MYT1L: variants seen among roughly 807,000 people sequenced by gnomAD.
MYT1L encodes myelin transcription factor 1-like protein.
A neutral mutation model predicts 126.7 loss-of-function variants in MYT1L; 12 were observed. That is an observed-to-expected ratio of 0.09 (90% CI 0.06 to 0.15). The LOEUF is 0.15. Among genes scored for constraint, MYT1L ranks in the 10% least tolerant of loss-of-function variants. The probability of loss-of-function intolerance (pLI) is 1.00; values close to 1 mark genes in which losing one functional copy is unlikely to be tolerated. For missense variants in MYT1L, 979 were observed against 1,585.2 expected (o/e 0.62, Z 6.49); for synonymous variants, 541 against 604.2 (o/e 0.90, Z 1.53).
chr2:2,013,810 T>C (rs1431860196), intron 4 of MYT1L, among the ~76,000 whole-genome samples: 1 of 152,266 alleles, frequency 6.6e-6, no homozygotes, highest in African/African-American at 2.4e-5. Context: ...AGCACCCATG[T>C]GGGTTCTGCA....
chr2:1,949,417 C>G (rs79891553), intron 8 of MYT1L, among the ~76,000 whole-genome samples: 1 of 152,090 alleles, frequency 6.6e-6, no homozygotes, highest in Non-Finnish European at 1.5e-5. Context: ...TGGGCCCATG[C>G]GGATGCCTCA....
chr2:1,795,035 CT>C (rs1430366200), intron 23 of MYT1L, among the ~76,000 whole-genome samples: 1 of 152,182 alleles, frequency 6.6e-6, no homozygotes, highest in Non-Finnish European at 1.5e-5. Context: ...CCCGTGGCCC[CT>C]GAATCTCCTG....
intron 10 of MYT1L, among the ~76,000 whole-genome samples, chr2:1,918,513 A>G (rs1342432664): frequency 3.9e-5 from 6 of 152,354 alleles, no homozygotes; most frequent in Admixed American, 6.5e-5. Flanking sequence ...TTAAGAATTC[A>G]CTTTATATCA....
At chr2:2,060,941 C>G (rs528922483) in intron 3 of MYT1L, among the ~76,000 whole-genome samples, 80 of 151,698 alleles carry the variant, frequency 5.3e-4, no homozygotes, top group Middle Eastern at 3.4e-3. Flanking sequence ...TTTGTAAGCA[C>G]TTCTCCATAT....
At chr2:2,312,739 C>A (rs985634884) in intron 1 of MYT1L, among the ~76,000 whole-genome samples, 7 of 152,130 alleles carry the variant, frequency 4.6e-5, no homozygotes, top group African/African-American at 1.4e-4. Flanking sequence ...GAGACAAAGT[C>A]GGCATTAGGC....
chr2:2,124,297 TC>T (rs2081407365), intron 3 of MYT1L, among the ~76,000 whole-genome samples: 2 of 152,092 alleles, frequency 1.3e-5, no homozygotes, highest in African/African-American at 4.8e-5. Flanking sequence ...AACAAGCTAT[TC>T]TTTTTCTTTT....
chr2:2,265,068 C>T (rs1442426461), intron 2 of MYT1L, among the ~76,000 whole-genome samples: 1 of 150,762 alleles, frequency 6.6e-6, no homozygotes, highest in Non-Finnish European at 1.5e-5. Flanking sequence ...GCTCTTGTCA[C>T]CCAGCCTGGA....
chr2:1,976,408 G>A (rs540537104), intron 8 of MYT1L, among the ~76,000 whole-genome samples: 15 of 152,332 alleles, frequency 9.8e-5, no homozygotes, highest in Admixed American at 7.2e-4. Context: ...TTGGGAGGCC[G>A]AGGCGGGCGG....
intron 3 of MYT1L, among the ~76,000 whole-genome samples, chr2:2,144,808 T>C (rs2084628487): frequency 6.6e-6 from 1 of 152,234 alleles, no homozygotes; most frequent in Non-Finnish European, 1.5e-5. Context: ...AGCATCTTTC[T>C]GCGGCTCTCA....
chr2:2,066,199 C>T (rs967562559), intron 3 of MYT1L, among the ~76,000 whole-genome samples: 1 of 152,170 alleles, frequency 6.6e-6, no homozygotes, highest in Non-Finnish European at 1.5e-5. Context: ...AGATCCACAT[C>T]CTACTTCTCT....
chr2:2,088,918 C>G (rs1399309567), intron 3 of MYT1L, among the ~76,000 whole-genome samples: 1 of 152,014 alleles, frequency 6.6e-6, no homozygotes, highest in Non-Finnish European at 1.5e-5. Flanking sequence ...TGAATCCTAC[C>G]AAAAAACATT....
At position 1,871,287 on chromosome 2, in the gene MYT1L, G is replaced by A. The variant is rs75460718; in HGVS notation, c.2711+15252C>T. Among the ~76,000 whole-genome samples, 5 of 152,358 alleles carry A rather than the reference G, an allele frequency of 3.3e-5. 1 individual carries two copies. The highest frequency in any genetic ancestry group is 2.9e-5 in the Non-Finnish European group (2 of 68,032). On this transcript the variant is annotated intron_variant, in intron 18 of 24. Transcript: ENST00000647738. Reference sequence around the variant, plus strand: ...CTGTGTGCCAAGATCACGTGTCTCCGTGCGCTGATGGAGGGGACTCTGTGG... The same window carrying A: ...CTGTGTGCCAAGATCACGTGTCTCCATGCGCTGATGGAGGGGACTCTGTGG...
At chr2:2,277,652 T>TGGAAAA (rs1456859113) in intron 2 of MYT1L, among the ~76,000 whole-genome samples, 1 of 152,172 alleles carries the variant, frequency 6.6e-6, no homozygotes, top group Non-Finnish European at 1.5e-5. Context: ...TGAAATAGTG[T>TGGAAAA]GGAAAAGAAA....
intron 9 of MYT1L, among the ~76,000 whole-genome samples, chr2:1,941,613 T>A (rs1008934199): frequency 5.9e-5 from 9 of 152,288 alleles, no homozygotes; most frequent in Middle Eastern, 3.4e-3. Flanking sequence ...TACCCAGCAT[T>A]CTACCATAGC....
chr2:1,841,010 T>C, intron 19 of MYT1L, 167 bp from the exon 20 acceptor site: 1 of 548,282 alleles, frequency 1.8e-6, no homozygotes, highest in Non-Finnish European at 3.2e-6. Flanking sequence ...TTCACGCCAT[T>C]CTCCTGCCTC....
At chr2:2,267,545 C>T (rs949512283) in intron 2 of MYT1L, among the ~76,000 whole-genome samples, 17 of 151,932 alleles carry the variant, frequency 1.1e-4, no homozygotes, top group Non-Finnish European at 2.2e-4. Context: ...AAAAAAAATG[C>T]CCCAGATGGA....
At chr2:1,871,010 A>AT (rs1474661949) in intron 18 of MYT1L, among the ~76,000 whole-genome samples, 1 of 152,162 alleles carries the variant, frequency 6.6e-6, no homozygotes, top group African/African-American at 2.4e-5. Flanking sequence ...TCCACGAACA[A>AT]TTTTAAATGG....
intron 8 of MYT1L, among the ~76,000 whole-genome samples, chr2:1,949,375 A>C (rs2057531413): frequency 1.3e-5 from 2 of 150,890 alleles, no homozygotes; most frequent in Admixed American, 1.3e-4. Flanking sequence ...CGTCACCCCC[A>C]CCCCCTCCAA....
At chr2:2,278,427 A>C (rs1358743344) in intron 2 of MYT1L, among the ~76,000 whole-genome samples, 8 of 152,238 alleles carry the variant, frequency 5.3e-5, no homozygotes, top group Admixed American at 3.3e-4. Context: ...AGTATGGAGA[A>C]TTATAAAGAG....
Sources: allele counts gnomAD v4.1 joint callset (sites outside exome capture counted in the v4.1 genomes callset), GRCh38; gene constraint gnomAD v4.1.1; transcripts MANE v1.5; gene names NCBI Gene and HGNC (gene_info 2026-07-23, HGNC 2026-07-21).